Variants in TRIP12 observed in about 807,000 individuals in gnomAD.
The protein encoded by TRIP12 is thyroid hormone receptor interactor 12, also known as E3 ubiquitin-protein ligase TRIP12.
TRIP12 carries 25 observed loss-of-function variants against 244.2 expected under a neutral mutation model. The ratio of observed to expected loss-of-function variants is 0.10; its 90% CI spans 0.07 to 0.14. The LOEUF is 0.14. TRIP12 is among the 10% of genes least tolerant of loss of function. The pLI, the probability that TRIP12 is intolerant of heterozygous loss-of-function variation, is 1.00. For synonymous variants in TRIP12, 905 were observed against 873.1 expected, an observed-to-expected ratio of 1.04 and a Z score of -0.64; for missense variants, 1,677 against 2,486.4, an observed-to-expected ratio of 0.67 and a Z score of 6.92.
At chr2:229,862,181 T>C (rs1469011900) in intron 2 of TRIP12, among the ~76,000 whole-genome samples, 4 of 152,154 alleles carry the variant, frequency 2.6e-5, no homozygotes, top group Non-Finnish European at 4.4e-5. Context: ...CTTGTATATA[T>C]TGTGATTTAA....
intron 1 of TRIP12, among the ~76,000 whole-genome samples, chr2:229,920,219 G>A (rs1033512809): frequency 3.3e-5 from 5 of 152,100 alleles, no homozygotes; most frequent in Non-Finnish European, 7.4e-5. Context: ...TGTTTTTAAA[G>A]AGGAGACTCT....
intron 5 of TRIP12, among the ~76,000 whole-genome samples, chr2:229,839,999 G>A (rs2055978221): frequency 6.6e-6 from 1 of 152,210 alleles, no homozygotes; most frequent in East Asian, 1.9e-4. Context: ...TAAAAATTAA[G>A]TACATTTCCC....
At chr2:229,772,020 A>G (rs2154235143) in intron 38 of TRIP12, among the ~76,000 whole-genome samples, 1 of 152,376 alleles carries the variant, frequency 6.6e-6, no homozygotes, top group African/African-American at 2.4e-5. Flanking sequence ...GCCACTATTA[A>G]GGGTTTTTAA....
At chr2:229,772,096 T>C (rs1019482757) in intron 38 of TRIP12, among the ~76,000 whole-genome samples, 9 of 152,264 alleles carry the variant, frequency 5.9e-5, no homozygotes, top group Non-Finnish European at 1.0e-4. Context: ...GTCTGCAGTG[T>C]GTGCTTCCTA....
chr2:229,856,222 G>C (rs1424653239), intron 4 of TRIP12, among the ~76,000 whole-genome samples: 1 of 152,196 alleles, frequency 6.6e-6, no homozygotes, highest in Non-Finnish European at 1.5e-5. Flanking sequence ...AAACGGAAAA[G>C]TGATTTAATA....
chr2:229,810,837 C>T (rs1408878933), intron 15 of TRIP12, 43 bp downstream of exon 15: 1 of 1,596,236 alleles, frequency 6.3e-7, no homozygotes, highest in Non-Finnish European at 8.5e-7. Flanking sequence ...TAATGAAGAA[C>T]CAACTTTTCC....
chr2:229,799,096 G>A, intron 22 of TRIP12, 47 bp from the exon 23 acceptor site: 2 of 1,598,302 alleles, frequency 1.3e-6, no homozygotes, highest in South Asian at 1.1e-5. Context: ...TAGTTTAAGT[G>A]ATGAAAAACA....
intron 8 of TRIP12, among the ~76,000 whole-genome samples, chr2:229,818,737 T>TTAATTGAAAACTTCC (rs2049130220): frequency 6.6e-6 from 1 of 152,190 alleles, no homozygotes; most frequent in Admixed American, 6.5e-5. Context: ...TTCTGTCTTC[T>TTAATTGAAAACTTCC]TAATTGAAAA....
intron 25 of TRIP12, 68 bp from the exon 26 acceptor site, chr2:229,795,398 G>A (rs1378036659): frequency 2.6e-6 from 4 of 1,510,570 alleles, no homozygotes; most frequent in Non-Finnish European, 3.6e-6. Context: ...TCAAAGAGAA[G>A]ATTTAATAAG....
chr2:229,815,985 T>C (rs1034633251), intron 9 of TRIP12, among the ~76,000 whole-genome samples: 1 of 152,186 alleles, frequency 6.6e-6, no homozygotes, highest in African/African-American at 2.4e-5. Context: ...AATGAAGGAA[T>C]GCAAAACTGC....
intron 30 of TRIP12, among the ~76,000 whole-genome samples, 164 bp from the exon 31 acceptor site, chr2:229,789,926 C>T (rs534814637): frequency 6.6e-6 from 1 of 152,300 alleles, no homozygotes; most frequent in Admixed American, 6.5e-5. Flanking sequence ...CCCATTTTAT[C>T]TTATATATAA....
chr2:229,903,855 T>C (rs1395478404), intron 1 of TRIP12, among the ~76,000 whole-genome samples: 18 of 132,998 alleles, frequency 1.4e-4, no homozygotes, highest in Admixed American at 5.6e-4. Context: ...ATGTTGTCTC[T>C]ACCAAAAATA....
chr2:229,785,314 A>G (rs1022640965), intron 34 of TRIP12, among the ~76,000 whole-genome samples: 3 of 152,218 alleles, frequency 2.0e-5, no homozygotes, highest in Non-Finnish European at 2.9e-5. Context: ...CTGATTTTGC[A>G]AAGTGAAATG....
chr2:229,811,851 T>G (rs544849090), intron 13 of TRIP12, among the ~76,000 whole-genome samples: 64 of 152,350 alleles, frequency 4.2e-4, no homozygotes, highest in African/African-American at 1.5e-3. Flanking sequence ...AATTTTCATA[T>G]GTAAAAATTA....
rs748041717 is a variant in TRIP12 at position 229,811,207 on chromosome 2, AT to A, written c.1987-4del. The A allele has an allele frequency of 7.1e-5, 114 of 1,611,684 alleles. No individual in the cohort carries two copies. The highest frequency in any genetic ancestry group is 1.6e-4 in the Middle Eastern group (1 of 6,078). ...GTGCTTTCTACTGACTTTTTATCCT[AT>A]TTTTTTAATAAAGGAAAATAAAATT... is the stretch of plus-strand genomic sequence containing the variant. On this transcript the variant is annotated splice_polypyrimidine_tract_variant and splice_region_variant and intron_variant, in intron 13 of 41. Transcript: ENST00000675903.
intron 9 of TRIP12, 152 bp from the exon 10 acceptor site, chr2:229,815,460 C>T (rs1046180535): frequency 9.1e-6 from 5 of 552,030 alleles, no homozygotes; most frequent in African/African-American, 1.9e-5. Flanking sequence ...ACCTAGTAGG[C>T]GTTCACAGAA....
At position 229,859,099 on chromosome 2, in the gene TRIP12, T is replaced by G. The variant is rs1167776833; in HGVS notation, c.700A>C (p.Thr234Pro). 4 of 1,614,224 alleles carry G rather than the reference T, an allele frequency of 2.5e-6. No homozygotes were observed. In the South Asian group the frequency reaches 4.4e-5, roughly 18 times the overall value. ...GCAGCAGAAGAAGAATCAGTGATGG[T>G]GCTACACCCAGCTTTGGCTGAGGTG... is the stretch of plus-strand genomic sequence containing the variant. ...SATSAKAGCS[T>P]ITDSSSAAST... Residue 234 changes from threonine to proline, a missense_variant, in exon 4 of 42, where the codon ACC (threonine) becomes CCC (proline). This residue lies in a region of TRIP12 where 387 missense variants were observed against 392.6 expected (regional missense o/e 0.99). Transcript: ENST00000675903.
intron 11 of TRIP12, among the ~76,000 whole-genome samples, chr2:229,814,852 A>G (rs2048119022): frequency 6.6e-6 from 1 of 152,206 alleles, no homozygotes; most frequent in South Asian, 2.1e-4. Flanking sequence ...ATTATTTTTA[A>G]TCAAGTACTT....
At chr2:229,922,771 G>A (rs925234294), upstream of TRIP12, among the ~76,000 whole-genome samples, 23 of 152,192 alleles carry the variant, frequency 1.5e-4, no homozygotes, top group African/African-American at 5.5e-4. Context: ...GGCCTCCTCG[G>A]TCCGACGGCC....
Sources: gnomAD v4.1 joint callset for allele counts (sites outside exome capture counted in the v4.1 genomes callset) on GRCh38, gnomAD v4.1.1 for gene constraint, gnomAD v4.1.1 regional missense constraint, MANE v1.5 for transcripts, NCBI Gene and HGNC (gene_info 2026-07-23, HGNC 2026-07-21) for gene names.